ASMT: variants seen among roughly 807,000 people sequenced by gnomAD.
The protein encoded by ASMT is acetylserotonin O-methyltransferase.
ASMT carries 53 observed loss-of-function variants against 41.3 expected under a neutral mutation model. The observed-to-expected ratio is 1.28, with a 90% CI of 1.03 to 1.61. The LOEUF is 1.61. ASMT is among the 40% of genes most tolerant of loss of function. ASMT has a pLI of 0.00. For synonymous variants in ASMT, 231 were observed against 184.8 expected (o/e 1.25, Z -2.03); for missense variants, 531 against 441.3 (o/e 1.20, Z -1.82).
intron 7 of ASMT, 187 bp from the exon 8 acceptor site, chrX:1,636,251 C>T (rs1256044702): frequency 3.4e-5 from 30 of 887,418 alleles, no homozygotes; most frequent in Non-Finnish European, 5.1e-5. Context: ...GCCACCGCGC[C>T]CGACCTCAGT....
At chrX:1,636,238 T>G in intron 7 of ASMT, 200 bp from the exon 8 acceptor site, 1 of 764,766 alleles carries the variant, frequency 1.3e-6, no homozygotes. Flanking sequence ...ATTACAGGCG[T>G]GAGCCACCGC....
At chrX:1,629,733 C>A in intron 4 of ASMT, 88 bp from the exon 5 acceptor site, 1 of 1,215,564 alleles carries the variant, frequency 8.2e-7, no homozygotes, top group Non-Finnish European at 1.2e-6. Flanking sequence ...GGGTATAGCT[C>A]CGTTCTCAAC....
chrX:1,630,144 C>CT (rs201165287), intron 5 of ASMT, among the ~76,000 whole-genome samples: 21,986 of 151,416 alleles, frequency 0.15, 1,892 homozygotes, highest in East Asian at 0.44. Flanking sequence ...TTTTTCTTTT[C>CT]TTTTTTTAAG....
Position 1,624,361 on chromosome X carries a change from A to T in ASMT, c.337A>T (p.Ser113Cys). The stretch of plus-strand genomic sequence containing the variant: ...CATGCTGAAGTACATGGGCAGGACC[A>T]GCTACCGGTGCTGGGGCCACCTGGC... ...CSMLKYMGRT[S>C]YRCWGHLADA... Residue 113 changes from serine to cysteine, a missense_variant, in exon 3 of 9, where the codon AGC becomes TGC. Transcript: ENST00000381241. 6.2e-7 allele frequency: 1 copy of T among 1,613,860 alleles called. No homozygotes were observed. Among genetic ancestry groups the T allele is most frequent in the Non-Finnish European group, 8.5e-7 (1 of 1,179,878 alleles).
intron 4 of ASMT, 184 bp downstream of exon 4, chrX:1,627,955 C>G: frequency 1.5e-6 from 1 of 675,500 alleles, no homozygotes; most frequent in South Asian, 1.7e-5. Context: ...TTAAATTGAT[C>G]AAATTCCTGA....
chrX:1,627,141 A>G (rs1934579267), intron 3 of ASMT, among the ~76,000 whole-genome samples: 1 of 148,958 alleles, frequency 6.7e-6, no homozygotes, highest in Non-Finnish European at 1.5e-5. Context: ...CCTGACCAAC[A>G]TGATGAAACC....
intron 1 of ASMT, 124 bp downstream of exon 1, chrX:1,615,392 G>A: frequency 2.0e-6 from 2 of 1,004,832 alleles, no homozygotes; most frequent in Non-Finnish European, 3.1e-6. Flanking sequence ...TTTCCACCGT[G>A]AAAGACGTAC....
intron 1 of ASMT, among the ~76,000 whole-genome samples, chrX:1,616,891 G>T (rs1381682750): frequency 1.3e-5 from 2 of 151,786 alleles, no homozygotes; most frequent in African/African-American, 4.8e-5. Flanking sequence ...TGTATTTTTA[G>T]TAGAGACGGG....
chrX:1,627,716 C>G lies in ASMT; in HGVS notation c.388C>G (p.Gln130Glu). The change falls in exon 4 of 9, where the codon CAG (glutamine) becomes GAG (glutamate). Residue 130 changes from glutamine (Q) to glutamate (E), a missense_variant. Gln to Glu is a conservative substitution (Grantham distance 29). Coordinates refer to ENST00000381241, the MANE Select transcript of ASMT (RefSeq NM_001171038.2). ...LADAVREGRN[Q>E]YLETFGVPAE... ...CTCTTTTCTTAGAGAAGGAAGGAAC[C>G]AGTACCTGGAGACGTTTGGCGTTCC... 2 of 1,613,794 alleles carry G rather than the reference C, an allele frequency of 1.2e-6. No homozygotes were observed. The highest frequency in any genetic ancestry group is 1.1e-5 in the South Asian group (1 of 91,066).
chrX:1,630,128 C>T (rs1416585421), intron 5 of ASMT, among the ~76,000 whole-genome samples, 189 bp downstream of exon 5: 5 of 150,462 alleles, frequency 3.3e-5, no homozygotes, highest in South Asian at 2.1e-4. Flanking sequence ...TGCGAGCACA[C>T]GTTTCTTTTT....
Position 1,616,560 on chromosome X carries a change from CT to C in ASMT, c.69+1293del, listed in dbSNP as rs1322880729. 9.3e-5 allele frequency among the ~76,000 whole-genome samples: 14 copies of C among 151,244 alleles called. 1 individual carries two copies. Among genetic ancestry groups the C allele is most frequent in the Non-Finnish European group, 1.9e-4 (13 of 67,596 alleles). On this transcript the variant is annotated intron_variant, in intron 1 of 8. Coordinates refer to ENST00000381241, the MANE Select transcript of ASMT (RefSeq NM_001171038.2). ...AACATCACGAATGTACTAAGTGCCCCTGAATTATGCTTGAAAAGGGTTAATG... is the reference window on the plus strand; with the variant it reads ...AACATCACGAATGTACTAAGTGCCCCGAATTATGCTTGAAAAGGGTTAATG...
intron 1 of ASMT, among the ~76,000 whole-genome samples, chrX:1,615,659 A>G (rs1158016823): frequency 6.6e-6 from 1 of 151,938 alleles, no homozygotes; most frequent in Admixed American, 6.6e-5. Context: ...AAAATTAGCC[A>G]GGCTTGGTGG....
At chrX:1,635,518 T>C (rs1278815884) in intron 7 of ASMT, among the ~76,000 whole-genome samples, 1 of 152,066 alleles carries the variant, frequency 6.6e-6, no homozygotes, top group Non-Finnish European at 1.5e-5. Context: ...TCCACGGCTT[T>C]GGGTGATATC....
intron 3 of ASMT, 93 bp from the exon 4 acceptor site, chrX:1,627,610 A>C: frequency 3.1e-6 from 4 of 1,311,304 alleles, no homozygotes; most frequent in Non-Finnish European, 4.4e-6. Flanking sequence ...TACAGAGCTG[A>C]AATGAAATGA....
intron 1 of ASMT, 47 bp downstream of exon 1, chrX:1,615,315 A>C (rs779254029): frequency 4.7e-6 from 7 of 1,494,708 alleles, no homozygotes; most frequent in African/African-American, 2.8e-5. Context: ...TCCGTTCATC[A>C]CACTCACGTT....
chrX:1,633,582 T>C (rs753964500), intron 7 of ASMT, among the ~76,000 whole-genome samples: 19 of 151,906 alleles, frequency 1.3e-4, no homozygotes, highest in African/African-American at 4.6e-4. Context: ...TTCAAGCAAT[T>C]CTCCTGCCTC....
chrX:1,628,257 G>T (rs1404135093), intron 4 of ASMT, among the ~76,000 whole-genome samples: 1 of 152,174 alleles, frequency 6.6e-6, no homozygotes, highest in South Asian at 2.1e-4. Context: ...GGAGGCGGAG[G>T]TTGCGGTGAT....
intron 1 of ASMT, among the ~76,000 whole-genome samples, chrX:1,616,790 G>T (rs765935497): frequency 2.7e-5 from 4 of 150,136 alleles, no homozygotes; most frequent in Non-Finnish European, 4.5e-5. Flanking sequence ...CTCACTGCAA[G>T]CTCCACCTCC....
rs770827595 is a variant in ASMT, at chrX:1,642,834, G to T, written c.942G>T (p.Leu314=). The T allele has an allele frequency of 6.2e-7, 1 of 1,613,842 alleles. No individual in the cohort carries two copies. Among genetic ancestry groups the T allele is most frequent in the Admixed American group, 1.7e-5 (1 of 59,996 alleles). Residue 314 remains leucine, a synonymous_variant, in exon 9 of 9, where the codon CTG becomes CTT. Transcript: ENST00000381241. ...GCATTCTGGTAATTGAAAGCCTCCT[G>T]GATGAAGACAGGCGAGGTCCTCTGC... ...GGGILVIESL[L]DEDRRGPLLT...
Sources: gnomAD v4.1 joint callset for allele counts (sites outside exome capture counted in the v4.1 genomes callset) on GRCh38, gnomAD v4.1.1 for gene constraint, MANE v1.5 for transcripts, NCBI Gene and HGNC (gene_info 2026-07-23, HGNC 2026-07-21) for gene names.